The following LRFN2 variants were observed in gnomAD, a reference collection of about 807,000 sequenced individuals.
LRFN2 encodes leucine-rich repeat and fibronectin type-III domain-containing protein 2.
LRFN2 carries 18 observed loss-of-function variants against 37.3 expected under a neutral mutation model. That is an observed-to-expected ratio of 0.48 (90% CI 0.33 to 0.72). The LOEUF (loss-of-function observed/expected upper bound fraction) is 0.72. LRFN2 is among the 30% of genes least tolerant of loss of function. The probability of loss-of-function intolerance (pLI) is 0.02; values close to 1 mark genes in which losing one functional copy is unlikely to be tolerated. For synonymous variants in LRFN2, 556 were observed against 466.6 expected, an observed-to-expected ratio of 1.19 and a Z score of -2.47; for missense variants, 1,006 against 1,060.7, an observed-to-expected ratio of 0.95 and a Z score of 0.72.
At chr6:40,497,166 G>A (rs1254149730) in intron 1 of LRFN2, among the ~76,000 whole-genome samples, 1 of 152,148 alleles carries the variant, frequency 6.6e-6, no homozygotes, top group Non-Finnish European at 1.5e-5. Context: ...TCACTCCTAA[G>A]TCCGTTTGCC....
At chr6:40,401,571 T>C (rs921021916) in intron 2 of LRFN2, among the ~76,000 whole-genome samples, 5 of 152,184 alleles carry the variant, frequency 3.3e-5, no homozygotes, top group Non-Finnish European at 7.3e-5. Context: ...GGCAATTATT[T>C]GCAACAGCAG....
At position 40,392,798 on chromosome 6, in the gene LRFN2, G is replaced by C. The variant is rs764587925; in HGVS notation, c.1515C>G (p.Thr505=). ...AGAACTGGGCGCAGCCCACGATGTT[G>C]GTGGCCGTGAGTGTCGTGGCTGTGT... ...WDDTATTLTA[T]NIVGCAQFFT... Residue 505 remains threonine (T), a synonymous_variant, in exon 3 of 3, where the codon ACC becomes ACG. Transcript: ENST00000338305. This position sits in a 1 kb window ranked among gnomAD's most constrained non-coding sequence, Gnocchi z 4.7. 1 of 1,614,112 alleles carries C rather than the reference G, an allele frequency of 6.2e-7. No homozygotes were observed. Among genetic ancestry groups the C allele is most frequent in the Non-Finnish European group, 8.5e-7 (1 of 1,180,008 alleles).
At chr6:40,508,747 T>A (rs1040095194) in intron 1 of LRFN2, among the ~76,000 whole-genome samples, 6 of 152,206 alleles carry the variant, frequency 3.9e-5, no homozygotes, top group African/African-American at 1.4e-4. Flanking sequence ...GTTCCATAAA[T>A]GCTCAAATAT....
chr6:40,576,254 A>G (rs913564410), intron 1 of LRFN2, among the ~76,000 whole-genome samples: 11 of 152,222 alleles, frequency 7.2e-5, no homozygotes, highest in African/African-American at 2.7e-4. Flanking sequence ...CATAAGCCTA[A>G]TTCCATAGGG....
At chr6:40,541,342 C>A (rs2473583) in intron 1 of LRFN2, among the ~76,000 whole-genome samples, 6,819 of 152,276 alleles carry the variant, frequency 0.045, 513 homozygotes, top group African/African-American at 0.15. Flanking sequence ...TCAGTCGCCT[C>A]ACATTCCCCA....
chr6:40,579,375 G>A (rs980910828), intron 1 of LRFN2, among the ~76,000 whole-genome samples: 8 of 152,156 alleles, frequency 5.3e-5, no homozygotes, highest in African/African-American at 1.9e-4. Context: ...TTGGGACGAT[G>A]ACCCCAAATC....
Position 40,432,293 on chromosome 6 carries a change from C to A in LRFN2, c.821G>T (p.Arg274Leu). 6.2e-7 allele frequency: 1 copy of A among 1,614,082 alleles called. No homozygotes were observed. Among genetic ancestry groups the A allele is most frequent in the Non-Finnish European group, 8.5e-7 (1 of 1,180,042 alleles). The change falls in exon 2 of 3, where the codon CGC (arginine) becomes CTC (leucine). Residue 274 changes from arginine to leucine, a missense_variant. By Grantham distance (102) the Arg-to-Leu change is moderately radical (BLOSUM62 -2). Transcript: ENST00000338305. Reference sequence around the variant, plus strand: ...CTCCTCACGCACATGCCAGAAGTAGCGACCCTTGAGGCCCCCTGGGGAGCC... The same window carrying A: ...CTCCTCACGCACATGCCAGAAGTAGAGACCCTTGAGGCCCCCTGGGGAGCC... ...TCGSPGGLKG[R>L]YFWHVREEEF...
chr6:40,484,908 G>C (rs1764919403), intron 1 of LRFN2, among the ~76,000 whole-genome samples: 1 of 152,188 alleles, frequency 6.6e-6, no homozygotes, highest in South Asian at 2.1e-4. Context: ...AGGCTGATGG[G>C]GTTCAAGAGA....
chr6:40,431,529 T>C lies in LRFN2; in HGVS notation c.1400+185A>G, dbSNP rs536281701. On this transcript the variant is annotated intron_variant, in intron 2 of 2. Transcript: ENST00000338305. ...CTGCCCGTGTGGATTCTTTTCTTCT[T>C]AGCCTTGTAGTTGATGTTCTTTTTA... is the stretch of plus-strand genomic sequence containing the variant. Among the ~76,000 whole-genome samples the C allele has an allele frequency of 2.0e-3, 299 of 152,324 alleles. 2 individuals carry two copies. Among genetic ancestry groups the C allele is most frequent in the Non-Finnish European group, 7.9e-4 (54 of 68,034 alleles).
chr6:40,394,954 CTTT>C (rs3048994), intron 2 of LRFN2, among the ~76,000 whole-genome samples: 191 of 120,764 alleles, frequency 1.6e-3, no homozygotes, highest in African/African-American at 4.1e-3. Flanking sequence ...TTTTCTTTTC[CTTT>C]TTTTTTTTTT....
Position 40,433,007 on chromosome 6 carries a change from G to T in LRFN2, c.107C>A (p.Thr36Asn), listed in dbSNP as rs767926221. Residue 36 changes from threonine to asparagine, a missense_variant, in exon 2 of 3, where the codon ACC becomes AAC. Transcript: ENST00000338305. ...GAGCAGCCCCTTGGAGGGGCACAGG[G>T]TCCCCAGTGACTCAGACAGATTCTG... ...VCQNLSESLG[T>N]LCPSKGLLFV... 6.2e-7 allele frequency: 1 copy of T among 1,608,158 alleles called. No homozygotes were observed. Among genetic ancestry groups the T allele is most frequent in the Non-Finnish European group, 8.5e-7 (1 of 1,176,752 alleles).
chr6:40,487,346 G>A (rs1299436411), intron 1 of LRFN2, among the ~76,000 whole-genome samples: 1 of 152,156 alleles, frequency 6.6e-6, no homozygotes, highest in East Asian at 1.9e-4. Context: ...CTTCACCTGA[G>A]CTCCAGACTC....
intron 1 of LRFN2, among the ~76,000 whole-genome samples, chr6:40,454,018 C>T (rs965664939): frequency 5.9e-5 from 9 of 152,172 alleles, no homozygotes; most frequent in Non-Finnish European, 1.0e-4. Flanking sequence ...CTAGGAATGA[C>T]TCTGGGTTCC....
At chr6:40,522,471 G>A (rs1045460504) in intron 1 of LRFN2, among the ~76,000 whole-genome samples, 2 of 152,120 alleles carry the variant, frequency 1.3e-5, no homozygotes, top group Non-Finnish European at 2.9e-5. Context: ...GGATTCCTGG[G>A]GGAAGTGGGT....
At chr6:40,559,053 C>T (rs1344139590) in intron 1 of LRFN2, among the ~76,000 whole-genome samples, 2 of 151,490 alleles carry the variant, frequency 1.3e-5, no homozygotes, top group African/African-American at 4.9e-5. Flanking sequence ...ATGGATCAAA[C>T]GGAGGGGGCA....
chr6:40,485,586 T>C (rs1764938204), intron 1 of LRFN2, among the ~76,000 whole-genome samples: 1 of 152,144 alleles, frequency 6.6e-6, no homozygotes, highest in African/African-American at 2.4e-5. Flanking sequence ...ACAGCAAGGC[T>C]CTGAAATGCC....
At position 40,396,740 on chromosome 6, in the gene LRFN2, G is replaced by A. The variant is rs565188512; in HGVS notation, c.1401-3828C>T. ...TGTGTGTGTGTGTGTGTATGTGTGC[G>A]TGTGTACGTCTGTGTGTGTGTGTTG... On this transcript the variant is annotated intron_variant, in intron 2 of 2. Transcript: ENST00000338305. 7.2e-4 allele frequency among the ~76,000 whole-genome samples: 109 copies of A among 150,756 alleles called. 1 individual carries two copies. Among genetic ancestry groups the A allele is most frequent in the Non-Finnish European group, 1.2e-3 (83 of 67,766 alleles).
chr6:40,568,078 C>A (rs72854304), intron 1 of LRFN2, among the ~76,000 whole-genome samples: 9,783 of 152,278 alleles, frequency 0.064, 415 homozygotes, highest in Middle Eastern at 0.16. Flanking sequence ...TCTTCTCTCT[C>A]TCTCTCTCTT....
intron 1 of LRFN2, among the ~76,000 whole-genome samples, chr6:40,557,371 A>T (rs1396880950): frequency 6.6e-6 from 1 of 152,164 alleles, no homozygotes; most frequent in Non-Finnish European, 1.5e-5. Flanking sequence ...GGGTTCAGAG[A>T]TGGGGCAACC....
Sources: gnomAD v4.1 joint callset for allele counts (sites outside exome capture counted in the v4.1 genomes callset) on GRCh38, gnomAD v4.1.1 for gene constraint, Gnocchi (gnomAD v3.1) non-coding constraint, MANE v1.5 for transcripts, NCBI Gene and HGNC (gene_info 2026-07-23, HGNC 2026-07-21) for gene names.